ABCG2: variants seen among roughly 807,000 people sequenced by gnomAD.
ABCG2 encodes the protein ATP binding cassette subfamily G member 2 (JR blood group), also known as broad substrate specificity ATP-binding cassette transporter ABCG2.
Under a neutral mutation model 73.5 loss-of-function variants are expected in ABCG2, and 80 were observed. That is an observed-to-expected ratio of 1.09 (90% confidence interval 0.91 to 1.31). ABCG2 has a LOEUF of 1.31. Ranked by LOEUF, ABCG2 falls within the 50% of genes most tolerant of loss-of-function variation. The pLI is 0.00. For missense variants in ABCG2, 796 were observed against 786.2 expected (o/e 1.01, Z -0.15); for synonymous variants, 269 against 282.4 (o/e 0.95, Z 0.48).
intron 1 of ABCG2, among the ~76,000 whole-genome samples, chr4:88,173,235 A>G (rs1186315779): frequency 1.3e-5 from 2 of 152,200 alleles, no homozygotes; most frequent in African/African-American, 4.8e-5. Context: ...ATCTTCAACT[A>G]GTGGCCAATC....
intron 8 of ABCG2, 88 bp from the exon 9 acceptor site, chr4:88,113,641 C>T: frequency 6.7e-7 from 1 of 1,484,282 alleles, no homozygotes; most frequent in Non-Finnish European, 9.1e-7. Flanking sequence ...TTGGATGCTT[C>T]CCTAACACCT....
At chr4:88,214,613 A>T (rs191949715) in intron 1 of ABCG2, among the ~76,000 whole-genome samples, 1 of 152,030 alleles carries the variant, frequency 6.6e-6, no homozygotes, top group African/African-American at 2.4e-5. Flanking sequence ...TAATCCTGGC[A>T]CTTCCGTAGG....
intron 1 of ABCG2, among the ~76,000 whole-genome samples, chr4:88,157,123 G>A (rs1726998979): frequency 6.6e-6 from 1 of 152,132 alleles, no homozygotes; most frequent in South Asian, 2.1e-4. Context: ...TTGACATCAT[G>A]TACCCAATAT....
intron 1 of ABCG2, among the ~76,000 whole-genome samples, chr4:88,165,208 A>T (rs558618195): frequency 3.4e-4 from 52 of 152,360 alleles, no homozygotes; most frequent in African/African-American, 1.2e-3. Context: ...AAAAATGATG[A>T]ATATTTGAAT....
chr4:88,138,222 T>G (rs1725383699), intron 2 of ABCG2, among the ~76,000 whole-genome samples: 1 of 152,172 alleles, frequency 6.6e-6, no homozygotes, highest in Non-Finnish European at 1.5e-5. Context: ...TATAATGAAT[T>G]TCTCTTAAAA....
chr4:88,200,367 C>T (rs1250782261), intron 1 of ABCG2, among the ~76,000 whole-genome samples: 1 of 152,072 alleles, frequency 6.6e-6, no homozygotes, highest in Non-Finnish European at 1.5e-5. Context: ...CAGGGTCTCA[C>T]TATGTTGGCC....
chr4:88,182,597 G>A (rs1390226502), intron 1 of ABCG2, among the ~76,000 whole-genome samples: 1 of 152,058 alleles, frequency 6.6e-6, no homozygotes, highest in Non-Finnish European at 1.5e-5. Flanking sequence ...ACAACAAGAG[G>A]AATTTTGGAA....
chr4:88,210,448 C>A (rs1729550467), intron 1 of ABCG2, among the ~76,000 whole-genome samples: 1 of 152,138 alleles, frequency 6.6e-6, no homozygotes, highest in South Asian at 2.1e-4. Flanking sequence ...AGCAGCCTTA[C>A]CTTTGCCTTA....
chr4:88,219,028 C>T (rs1194705932), intron 1 of ABCG2, among the ~76,000 whole-genome samples: 4 of 152,170 alleles, frequency 2.6e-5, no homozygotes, highest in Non-Finnish European at 4.4e-5. Context: ...AATTGGGAAC[C>T]TAAGCAGGGA....
chr4:88,176,154 C>CTCGGTTTTTTTTTT (rs1335004081), intron 1 of ABCG2, among the ~76,000 whole-genome samples: 1 of 125,814 alleles, frequency 7.9e-6, no homozygotes, highest in African/African-American at 2.8e-5. Flanking sequence ...TATGATTATT[C>CTCGGTTTTTTTTTT]TTGTTTTTTT....
intron 5 of ABCG2, among the ~76,000 whole-genome samples, chr4:88,125,006 C>T (rs898093879): frequency 3.3e-5 from 5 of 152,132 alleles, no homozygotes; most frequent in Admixed American, 1.3e-4. Flanking sequence ...AAGAAACTCA[C>T]TCAAGGCCAG....
At chr4:88,158,213 T>C (rs927220600) in intron 1 of ABCG2, among the ~76,000 whole-genome samples, 173 bp downstream of exon 1, 11 of 152,292 alleles carry the variant, frequency 7.2e-5, no homozygotes, top group Middle Eastern at 6.8e-3. Flanking sequence ...GAAAAACCAC[T>C]TTGAACTGTC....
Position 88,158,408 on chromosome 4 carries a change from T to C in ABCG2, c.-42A>G. On this transcript the variant is annotated 5_prime_UTR_variant, in exon 1 of 16. Coordinates refer to ENST00000237612, the MANE Select transcript of ABCG2 (RefSeq NM_004827.3). Reference sequence around the variant, plus strand: ...CACTCAGCTTAATAGAGCTCGGTCTTAACCAAAGGCTCAGGATCTCAGGAT... The same window carrying C: ...CACTCAGCTTAATAGAGCTCGGTCTCAACCAAAGGCTCAGGATCTCAGGAT... 2.3e-6 allele frequency: 1 copy of C among 430,702 alleles called. No homozygotes were observed. Among genetic ancestry groups the C allele is most frequent in the Non-Finnish European group, 4.7e-6 (1 of 214,654 alleles). 26.7% of individuals were successfully genotyped at this position (430,702 alleles called of 1,614,324 possible). A position where few individuals can be genotyped will look rare whatever the true frequency, so the allele number is the denominator to read the frequency against.
chr4:88,161,910 C>T (rs1212640172), upstream of ABCG2, among the ~76,000 whole-genome samples: 1 of 141,766 alleles, frequency 7.1e-6, no homozygotes, highest in African/African-American at 2.7e-5. Flanking sequence ...ATTTGCATTT[C>T]TCTGATGGCC....
At position 88,204,919 on chromosome 4, in the gene ABCG2, G is replaced by A. The variant is rs116942732; in HGVS notation, c.-20+26075C>T. On this transcript the variant is annotated intron_variant, in intron 1 of 15. Transcript: ENST00000515655. ...GTATAAAAATATACTTGAAACTAAA[G>A]TCCTATGCTGTCAAAAGATTTGCCA... Among the ~76,000 whole-genome samples the A allele has an allele frequency of 1.3e-3, 194 of 152,296 alleles. 2 individuals carry two copies. The East Asian group carries it at 0.029, about 23-fold the overall frequency.
intron 6 of ABCG2, among the ~76,000 whole-genome samples, chr4:88,120,114 A>G (rs1457567144): frequency 6.6e-6 from 1 of 152,138 alleles, no homozygotes; most frequent in Non-Finnish European, 1.5e-5. Context: ...TGTTTCAGCC[A>G]TGGTTAAAGG....
intron 10 of ABCG2, 102 bp from the exon 11 acceptor site, chr4:88,101,421 A>C (rs900225172): frequency 1.9e-6 from 2 of 1,071,686 alleles, no homozygotes; most frequent in African/African-American, 3.1e-5. Context: ...GTATAAAGTT[A>C]AGCAGGAAAA....
At chr4:88,119,701 T>G (rs111447603) in intron 6 of ABCG2, among the ~76,000 whole-genome samples, 1 of 152,310 alleles carries the variant, frequency 6.6e-6, no homozygotes, top group African/African-American at 2.4e-5. Context: ...TTAGAGCATC[T>G]GGTAGAAGAA....
At chr4:88,180,537 C>A (rs1728189515) in intron 1 of ABCG2, among the ~76,000 whole-genome samples, 1 of 152,194 alleles carries the variant, frequency 6.6e-6, no homozygotes, top group East Asian at 1.9e-4. Flanking sequence ...GAGTTCAAGA[C>A]CAGCCTGGAA....
Sources: allele counts gnomAD v4.1 joint callset (sites outside exome capture counted in the v4.1 genomes callset), GRCh38; gene constraint gnomAD v4.1.1; transcripts MANE v1.5; gene names NCBI Gene and HGNC (gene_info 2026-07-23, HGNC 2026-07-21).